The following NRXN3 variants were observed in gnomAD, a reference collection of about 807,000 sequenced individuals.
NRXN3 encodes the protein neurexin III.
NRXN3 carries 32 observed loss-of-function variants against 137.6 expected under a neutral mutation model. The observed-to-expected ratio is 0.23, with a 90% CI of 0.18 to 0.31. The LOEUF (loss-of-function observed/expected upper bound fraction) is 0.31, where lower values mean the gene tolerates loss of function less well. NRXN3 is among the 10% of genes least tolerant of loss of function. The pLI, the probability that NRXN3 is intolerant of heterozygous loss-of-function variation, is 1.00. For missense variants in NRXN3, 1,574 were observed against 2,062.5 expected (o/e 0.76, Z 4.59); for synonymous variants, 798 against 784.5 (o/e 1.02, Z -0.29).
chr14:78,446,678 A>G (rs915996744), intron 4 of NRXN3, among the ~76,000 whole-genome samples: 3 of 152,342 alleles, frequency 2.0e-5, no homozygotes, highest in African/African-American at 7.2e-5. Flanking sequence ...ATAGTCCATC[A>G]TTTGTAGAGC....
chr14:79,419,348 C>T (rs1223709028), intron 15 of NRXN3, among the ~76,000 whole-genome samples: 2 of 152,036 alleles, frequency 1.3e-5, no homozygotes, highest in Non-Finnish European at 2.9e-5. Context: ...GGATGAATTG[C>T]AATAGGGTTA....
At chr14:79,690,311 C>T (rs1004268681) in intron 17 of NRXN3, among the ~76,000 whole-genome samples, 1 of 152,042 alleles carries the variant, frequency 6.6e-6, no homozygotes, top group African/African-American at 2.4e-5. Flanking sequence ...CAAGGTAGAC[C>T]ATTATAATGA....
chr14:79,124,151 A>G (rs1274747591), intron 15 of NRXN3, among the ~76,000 whole-genome samples: 1 of 152,192 alleles, frequency 6.6e-6, no homozygotes, highest in African/African-American at 2.4e-5. Flanking sequence ...AGCGCTCAAT[A>G]TAATGCCCCA....
chr14:79,094,512 T>C (rs943661467), intron 15 of NRXN3, among the ~76,000 whole-genome samples: 1 of 152,224 alleles, frequency 6.6e-6, no homozygotes, highest in South Asian at 2.1e-4. Context: ...TAAAGTCCCT[T>C]GGTTCTGCAA....
rs1241319764 is a variant in NRXN3, at chr14:79,047,144, G to GC, written c.3262+59003_3262+59004insC. 8.2e-3 allele frequency among the ~76,000 whole-genome samples: 999 copies of GC among 121,490 alleles called. 11 individuals are homozygous for GC. The highest frequency in any genetic ancestry group is 0.028 in the African/African-American group (953 of 34,268). The allele number at this position is 121,490 out of a possible 152,430, so 79.7% of individuals were successfully genotyped here. ...GCCACTCCCTTCCCGCCCCACCCCCGAAAAAAAAAAAAAACACACCACCAC... is the reference window on the plus strand; with the variant it reads ...GCCACTCCCTTCCCGCCCCACCCCCGCAAAAAAAAAAAAAACACACCACCAC... On this transcript the variant is annotated intron_variant, in intron 15 of 20. Transcript: ENST00000335750.
intron 4 of NRXN3, among the ~76,000 whole-genome samples, chr14:78,303,616 C>T (rs751255730): frequency 6.6e-6 from 1 of 152,114 alleles, no homozygotes. Flanking sequence ...ACCCCCTCTG[C>T]CCACCTATCA....
intron 17 of NRXN3, among the ~76,000 whole-genome samples, chr14:79,682,817 G>T (rs1245778797): frequency 6.6e-6 from 1 of 152,186 alleles, no homozygotes; most frequent in African/African-American, 2.4e-5. Context: ...CCCAGAAACT[G>T]TTTTTATTTA....
Position 79,569,628 on chromosome 14 carries a change from TGTGA to T in NRXN3, c.3445-94148_3445-94145del, listed in dbSNP as rs1281948207. 5.4e-3 allele frequency among the ~76,000 whole-genome samples: 797 copies of T among 147,060 alleles called. 4 individuals carry two copies. Among genetic ancestry groups the T allele is most frequent in the African/African-American group, 0.019 (751 of 39,702 alleles). On this transcript the variant is annotated intron_variant, in intron 16 of 20. Coordinates refer to ENST00000335750, the MANE Select transcript of NRXN3 (RefSeq NM_001330195.2). ...GTGTGTGTGTGTGTGTGTGTGTGTG[TGTGA>T]GAGAGAGAGAGAGAGAGACAGAGAG...
chr14:79,740,310 C>A (rs2098956619), intron 19 of NRXN3, among the ~76,000 whole-genome samples: 1 of 152,242 alleles, frequency 6.6e-6, no homozygotes, highest in East Asian at 1.9e-4. Context: ...ATGGTCCAAT[C>A]TCCCTTGTCA....
intron 6 of NRXN3, among the ~76,000 whole-genome samples, chr14:78,677,678 A>G (rs1474369073): frequency 6.6e-6 from 1 of 152,202 alleles, no homozygotes; most frequent in Non-Finnish European, 1.5e-5. Context: ...TTTTGTAAGA[A>G]GTTCAGCTGA....
intron 1 of NRXN3, among the ~76,000 whole-genome samples, chr14:78,192,574 C>T (rs2060849551): frequency 6.6e-6 from 1 of 152,100 alleles, no homozygotes. Flanking sequence ...TGACAGCTGG[C>T]AGAGTCAAGA....
At chr14:78,934,415 G>A (rs544870246) in intron 10 of NRXN3, among the ~76,000 whole-genome samples, 1 of 152,200 alleles carries the variant, frequency 6.6e-6, no homozygotes, top group Admixed American at 6.5e-5. Context: ...GAGAACCCAG[G>A]GGGTGTCTTT....
At chr14:79,416,666 C>T (rs1323018503) in intron 15 of NRXN3, among the ~76,000 whole-genome samples, 2 of 152,124 alleles carry the variant, frequency 1.3e-5, no homozygotes, top group Non-Finnish European at 2.9e-5. Flanking sequence ...CCATGCAAAA[C>T]CTTCATCCAC....
rs560096631 is a variant in NRXN3, at chr14:79,418,780, A to G, written c.3263-48441A>G. Among the ~76,000 whole-genome samples, 92 of 152,304 alleles carry G rather than the reference A, an allele frequency of 6.0e-4. 1 individual carries two copies. The South Asian group carries it at 0.017, about 28-fold the overall frequency. On this transcript the variant is annotated intron_variant, in intron 15 of 20. Transcript: ENST00000335750. ...ATGGGGCTGCAAGTCATAAATGGAG[A>G]AAGTCTAAACTAAGAGGGTAAACAG...
chr14:79,447,205 A>T (rs1329706619), intron 15 of NRXN3, among the ~76,000 whole-genome samples: 1 of 152,216 alleles, frequency 6.6e-6, no homozygotes, highest in Non-Finnish European at 1.5e-5. Context: ...GGTTTTCAGG[A>T]TAAGAAAAAA....
chr14:79,069,946 G>T (rs1046330577), intron 15 of NRXN3, among the ~76,000 whole-genome samples: 1 of 141,430 alleles, frequency 7.1e-6, no homozygotes, highest in Non-Finnish European at 1.6e-5. Flanking sequence ...ATTTGTAAGT[G>T]AGCTGCTTAT....
At chr14:78,959,126 G>C (rs2099403090) in intron 11 of NRXN3, among the ~76,000 whole-genome samples, 1 of 152,080 alleles carries the variant, frequency 6.6e-6, no homozygotes, top group Admixed American at 6.6e-5. Context: ...AGGAAATATA[G>C]TAAGATATGT....
At chr14:79,725,171 G>C (rs936928899) in intron 19 of NRXN3, among the ~76,000 whole-genome samples, 2 of 152,130 alleles carry the variant, frequency 1.3e-5, no homozygotes, top group African/African-American at 2.4e-5. Flanking sequence ...TGCTTTCTTA[G>C]AAAAACTGTT....
intron 15 of NRXN3, among the ~76,000 whole-genome samples, chr14:79,029,864 A>G (rs1340647237): frequency 6.6e-6 from 1 of 151,584 alleles, no homozygotes; most frequent in Non-Finnish European, 1.5e-5. Context: ...ATTTATTTAT[A>G]AAACAGGGAC....
Sources: allele counts gnomAD v4.1 joint callset (sites outside exome capture counted in the v4.1 genomes callset), GRCh38; gene constraint gnomAD v4.1.1; transcripts MANE v1.5; gene names NCBI Gene and HGNC (gene_info 2026-07-23, HGNC 2026-07-21).